The following NPAS3 variants were observed in gnomAD, a reference collection of about 807,000 sequenced individuals.
NPAS3 encodes the protein neuronal PAS domain protein 3, also known as neuronal PAS domain-containing protein 3.
A neutral mutation model predicts 73.1 loss-of-function variants in NPAS3; 14 were observed. That is an observed-to-expected ratio of 0.19 (90% confidence interval 0.13 to 0.30). The LOEUF (loss-of-function observed/expected upper bound fraction) is 0.30. Ranked by LOEUF, NPAS3 falls within the 10% of genes least tolerant of loss-of-function variation. NPAS3 has a pLI of 1.00. For missense variants in NPAS3, 1,096 were observed against 1,250.0 expected (o/e 0.88, Z 1.86); for synonymous variants, 620 against 541.5 (o/e 1.14, Z -2.01).
At chr14:33,712,447 A>G (rs191553546) in intron 6 of NPAS3, among the ~76,000 whole-genome samples, 1 of 152,376 alleles carries the variant, frequency 6.6e-6, no homozygotes, top group East Asian at 1.9e-4. Context: ...GAAGCCAACT[A>G]TATCAAATGA....
At chr14:33,293,747 T>C (rs1185273602) in intron 3 of NPAS3, among the ~76,000 whole-genome samples, 1 of 152,212 alleles carries the variant, frequency 6.6e-6, no homozygotes, top group Non-Finnish European at 1.5e-5. Context: ...TACAGTGCCA[T>C]ATTTTGTGTT....
intron 4 of NPAS3, among the ~76,000 whole-genome samples, chr14:33,405,952 AG>A (rs2047646377): frequency 6.6e-6 from 1 of 152,070 alleles, no homozygotes; most frequent in Non-Finnish European, 1.5e-5. Flanking sequence ...TTATGCCCTG[AG>A]GGGAAAAAAG....
At position 33,093,354 on chromosome 14, in the gene NPAS3, C is replaced by A. The variant is rs544100897; in HGVS notation, c.140+37360C>A. 1.8e-3 allele frequency among the ~76,000 whole-genome samples: 272 copies of A among 152,262 alleles called. 1 individual carries two copies. The highest frequency in any genetic ancestry group is 6.1e-3 in the African/African-American group (255 of 41,538). ...CAAAAGAAGACATTTATGCAGCCAA[C>A]AGACACATGAAAAATGCTCATCATC... On this transcript the variant is annotated intron_variant, in intron 2 of 11. Coordinates refer to ENST00000356141, the Ensembl canonical transcript of NPAS3.
chr14:33,531,297 A>T (rs11156798), intron 4 of NPAS3, among the ~76,000 whole-genome samples: 308 of 152,000 alleles, frequency 2.0e-3, no homozygotes, highest in African/African-American at 7.1e-3. Flanking sequence ...ACCACCCATC[A>T]CAATCTACAT....
intron 3 of NPAS3, among the ~76,000 whole-genome samples, chr14:33,272,090 T>C (rs1438692586): frequency 6.6e-6 from 1 of 152,230 alleles, no homozygotes; most frequent in Admixed American, 6.5e-5. Context: ...GCCAGCCTCC[T>C]TGCGTAGCAC....
chr14:33,199,044 C>T (rs572508762), intron 2 of NPAS3, among the ~76,000 whole-genome samples: 37 of 152,278 alleles, frequency 2.4e-4, no homozygotes, highest in African/African-American at 8.2e-4. Flanking sequence ...GTGTGGGGCC[C>T]GCCGAGCCCA....
chr14:33,295,002 T>G (rs1325116776), intron 3 of NPAS3, among the ~76,000 whole-genome samples: 1 of 152,184 alleles, frequency 6.6e-6, no homozygotes, highest in Non-Finnish European at 1.5e-5. Context: ...GGAGAGTGAC[T>G]TTTTAGGACC....
chr14:33,697,817 T>G (rs1328366480), intron 6 of NPAS3, among the ~76,000 whole-genome samples: 1 of 152,234 alleles, frequency 6.6e-6, no homozygotes, highest in Non-Finnish European at 1.5e-5. Context: ...ATTAATAGAT[T>G]GTTAAATGTG....
chr14:33,171,819 G>A (rs894865398), intron 2 of NPAS3, among the ~76,000 whole-genome samples: 2 of 152,110 alleles, frequency 1.3e-5, no homozygotes, highest in African/African-American at 4.8e-5. Flanking sequence ...GCTTTTCGAC[G>A]TGCCTTTCTC....
chr14:32,947,600 CTG>C (rs2036314690), intron 1 of NPAS3, among the ~76,000 whole-genome samples: 1 of 151,928 alleles, frequency 6.6e-6, no homozygotes, highest in African/African-American at 2.4e-5. Flanking sequence ...TATATATACA[CTG>C]TTTACAACAT....
At chr14:33,007,624 A>G (rs753642112) in intron 1 of NPAS3, among the ~76,000 whole-genome samples, 4 of 152,234 alleles carry the variant, frequency 2.6e-5, no homozygotes, top group Non-Finnish European at 4.4e-5. Flanking sequence ...GTGCTACTAC[A>G]TGCTTTACAC....
intron 3 of NPAS3, among the ~76,000 whole-genome samples, chr14:33,224,978 T>A (rs1186412266): frequency 6.6e-6 from 1 of 152,144 alleles, no homozygotes; most frequent in Non-Finnish European, 1.5e-5. Context: ...TTTAAAAAAA[T>A]CACTAGAATT....
chr14:33,144,903 T>C (rs776757991), intron 2 of NPAS3, among the ~76,000 whole-genome samples: 9 of 152,170 alleles, frequency 5.9e-5, no homozygotes, highest in Non-Finnish European at 1.3e-4. Flanking sequence ...CTTCATGTGA[T>C]TTTAAAAAGG....
intron 1 of NPAS3, among the ~76,000 whole-genome samples, chr14:32,961,409 C>CA (rs555007306): frequency 8.5e-3 from 481 of 56,534 alleles, no homozygotes; most frequent in East Asian, 0.044. Flanking sequence ...GACTTCATCT[C>CA]AAAAAAAAAA....
At chr14:33,032,990 A>G (rs2040044722) in intron 1 of NPAS3, among the ~76,000 whole-genome samples, 2 of 152,188 alleles carry the variant, frequency 1.3e-5, no homozygotes, top group South Asian at 2.1e-4. Context: ...CTTGGTCCCC[A>G]AACAGTTTCA....
intron 3 of NPAS3, among the ~76,000 whole-genome samples, chr14:33,326,347 G>T (rs576236325): frequency 6.6e-6 from 1 of 152,290 alleles, no homozygotes; most frequent in South Asian, 2.1e-4. Flanking sequence ...GAAAGAAATA[G>T]AGAACAGGTG....
intron 2 of NPAS3, among the ~76,000 whole-genome samples, chr14:33,160,587 A>G (rs1273966614): frequency 2.6e-5 from 4 of 151,594 alleles, no homozygotes; most frequent in Non-Finnish European, 4.4e-5. Flanking sequence ...ACATGTATAC[A>G]TATGTAACAA....
chr14:33,580,313 A>T lies in NPAS3; in HGVS notation c.558+20103A>T, dbSNP rs138052357. 7.1e-3 allele frequency among the ~76,000 whole-genome samples: 1,085 copies of T among 152,318 alleles called. 12 individuals are homozygous for T. Among genetic ancestry groups the T allele is most frequent in the African/African-American group, 0.025 (1,031 of 41,562 alleles). On this transcript the variant is annotated intron_variant, in intron 5 of 11. Coordinates refer to ENST00000356141, the Ensembl canonical transcript of NPAS3. ...AAAGAAGCTGCCAAAGGTGTGACGT[A>T]AAGCTGATATCTCTAATATGTTAGT...
intron 5 of NPAS3, among the ~76,000 whole-genome samples, chr14:33,589,001 G>A (rs923357799): frequency 6.6e-6 from 1 of 152,124 alleles, no homozygotes; most frequent in Non-Finnish European, 1.5e-5. Context: ...ATTCAGACTG[G>A]CTGTCTCAGT....
Sources: allele counts gnomAD v4.1 joint callset (sites outside exome capture counted in the v4.1 genomes callset), GRCh38; gene constraint gnomAD v4.1.1; transcripts MANE v1.5; gene names NCBI Gene and HGNC (gene_info 2026-07-23, HGNC 2026-07-21).